The following CCDC40 variants were observed in gnomAD, a reference collection of about 807,000 sequenced individuals.
The protein encoded by CCDC40 is coiled-coil domain 40 molecular ruler complex subunit, also known as coiled-coil domain-containing protein 40.
Under a neutral mutation model 124.5 loss-of-function variants are expected in CCDC40, and 104 were observed. That is an observed-to-expected ratio of 0.84 (90% CI 0.71 to 0.98). CCDC40 has a LOEUF of 0.98. CCDC40 is among the 50% of genes least tolerant of loss of function. CCDC40 has a pLI of 0.00. For synonymous variants in CCDC40, 580 were observed against 602.9 expected (o/e 0.96, Z 0.56); for missense variants, 1,463 against 1,503.9 (o/e 0.97, Z 0.45).
Position 80,036,682 on chromosome 17 carries a change from C to A in CCDC40, c.20C>A (p.Ala7Glu), listed in dbSNP as rs750300695. The A allele has an allele frequency of 8.9e-6, 13 of 1,459,014 alleles. No homozygotes were observed. The highest frequency in any genetic ancestry group is 2.9e-5 in the East Asian group (1 of 34,998). The allele number at this position is 1,459,014 out of a possible 1,614,324, so 90.4% of individuals were successfully genotyped here. A position where few individuals can be genotyped will look rare whatever the true frequency, so the allele number is the denominator to read the frequency against. The change falls in exon 1 of 20, where the codon GCG (alanine) becomes GAG (glutamate). Residue 7 changes from alanine to glutamate, a missense_variant. By Grantham distance (107) the Ala-to-Glu change is moderately radical (BLOSUM62 -1). Coordinates refer to ENST00000397545, the MANE Select transcript of CCDC40 (RefSeq NM_017950.4). ...CGGGAAATGGCGGAACCGGGCGGCG[C>A]GGCGGGCCGGTAAGCCGGGCCGAGG... MAEPGG[A>E]AGRSHPEDGS...
intron 2 of CCDC40, among the ~76,000 whole-genome samples, chr17:80,039,233 G>T (rs1445834429): frequency 6.6e-6 from 1 of 151,918 alleles, no homozygotes; most frequent in Non-Finnish European, 1.5e-5. Context: ...TGGGCATGGT[G>T]GTACACACCT....
intron 4 of CCDC40, 99 bp from the exon 5 acceptor site, chr17:80,048,484 A>G (rs2037487929): frequency 2.1e-6 from 2 of 945,914 alleles, no homozygotes; most frequent in Admixed American, 2.0e-5. Flanking sequence ...ATCATGCTGC[A>G]TGAGGCATGA....
chr17:80,054,485 C>G (rs2037687301), intron 7 of CCDC40, among the ~76,000 whole-genome samples: 1 of 152,102 alleles, frequency 6.6e-6, no homozygotes, highest in Non-Finnish European at 1.5e-5. Context: ...ACAGGCTGGT[C>G]CTGCAATGCT....
At chr17:80,041,142 G>A (rs1387459386) in intron 3 of CCDC40, among the ~76,000 whole-genome samples, 1 of 152,168 alleles carries the variant, frequency 6.6e-6, no homozygotes, top group Admixed American at 6.5e-5. Flanking sequence ...AGAGTGGGTT[G>A]CGGATCTGGT....
intron 10 of CCDC40, chr17:80,068,004 G>A (rs889159022): frequency 2.8e-6 from 3 of 1,054,054 alleles, no homozygotes; most frequent in African/African-American, 1.7e-5. Context: ...CCAAGGCCCC[G>A]GGGAGGAGTG....
chr17:80,043,605 C>CTTT (rs61278841), intron 3 of CCDC40, among the ~76,000 whole-genome samples: 28 of 121,370 alleles, frequency 2.3e-4, no homozygotes, highest in South Asian at 1.6e-3. Flanking sequence ...TCTCCTCTTC[C>CTTT]TTTTTTTTTT....
intron 7 of CCDC40, 36 bp downstream of exon 7, chr17:80,050,319 C>A: frequency 6.6e-7 from 1 of 1,509,612 alleles, no homozygotes; most frequent in Non-Finnish European, 9.0e-7. Flanking sequence ...GCCATCCGGT[C>A]CTGGAGGGTT....
intron 9 of CCDC40, among the ~76,000 whole-genome samples, chr17:80,064,228 T>C (rs2037976704): frequency 6.6e-6 from 1 of 152,200 alleles, no homozygotes; most frequent in Non-Finnish European, 1.5e-5. Context: ...TGCCCGGCGC[T>C]GCCCTCGGCT....
chr17:80,037,677 ATT>A lies in CCDC40; in HGVS notation c.30-441_30-440del, dbSNP rs200145304. 1.8e-3 allele frequency among the ~76,000 whole-genome samples: 205 copies of A among 114,094 alleles called. 2 individuals are homozygous for A. Among genetic ancestry groups the A allele is most frequent in the African/African-American group, 4.1e-3 (111 of 26,880 alleles). The allele number at this position is 114,094 out of a possible 152,430, so 74.9% of individuals were successfully genotyped here. On this transcript the variant is annotated intron_variant, in intron 1 of 19. Coordinates refer to ENST00000397545, the MANE Select transcript of CCDC40 (RefSeq NM_017950.4). ...CAGATAAAAATAGCTTGAATCTTTA[ATT>A]TTTTAAAAAAGATATACATATATAT...
At chr17:80,046,425 C>G (rs566731043) in intron 3 of CCDC40, among the ~76,000 whole-genome samples, 1 of 151,950 alleles carries the variant, frequency 6.6e-6, no homozygotes. Flanking sequence ...CCCAGCTACT[C>G]TGGAGGCTAA....
intron 7 of CCDC40, among the ~76,000 whole-genome samples, chr17:80,050,907 A>G (rs28706288): frequency 0.32 from 48,521 of 152,014 alleles, 10,515 homozygotes; most frequent in African/African-American, 0.62. Flanking sequence ...GGAGGGTTTC[A>G]ATAGATGCGA....
chr17:80,044,924 C>T (rs2037383589), intron 3 of CCDC40, among the ~76,000 whole-genome samples: 1 of 152,114 alleles, frequency 6.6e-6, no homozygotes, highest in Non-Finnish European at 1.5e-5. Context: ...CCACCTCCCA[C>T]TGGCTCTCAG....
At chr17:80,094,246 T>TA (rs2038766891) in intron 17 of CCDC40, among the ~76,000 whole-genome samples, 1 of 97,810 alleles carries the variant, frequency 1.0e-5, no homozygotes, top group Admixed American at 1.0e-4. Context: ...CTGTCTCTAC[T>TA]GAAAAAAAAA....
At chr17:80,090,870 A>C in intron 17 of CCDC40, 1 of 993,414 alleles carries the variant, frequency 1.0e-6, no homozygotes, top group East Asian at 7.0e-5. Flanking sequence ...GCATATGCTA[A>C]TAAGATGTTG....
intron 3 of CCDC40, 114 bp downstream of exon 3, chr17:80,040,384 A>G: frequency 9.1e-7 from 1 of 1,093,486 alleles, no homozygotes. Flanking sequence ...CCCTGTTAGA[A>G]ATGTCTTAGC....
chr17:80,067,610 C>T (rs902840891), intron 10 of CCDC40: 14 of 1,536,064 alleles, frequency 9.1e-6, no homozygotes, highest in East Asian at 4.9e-5. Flanking sequence ...GCTTCCTGCC[C>T]GGGGCATCGA....
chr17:80,040,678 CAAAA>C (rs34476860), intron 3 of CCDC40: 78 of 129,974 alleles, frequency 6.0e-4, no homozygotes, highest in South Asian at 2.4e-3. Flanking sequence ...GACCTTGTCT[CAAAA>C]AAAAAAAAAA....
chr17:80,095,131 C>T, intron 17 of CCDC40, 132 bp from the exon 18 acceptor site: 3 of 822,316 alleles, frequency 3.6e-6, no homozygotes, highest in South Asian at 1.5e-5. Flanking sequence ...CCTGGCGGCA[C>T]AGGCCTCACT....
At chr17:80,051,235 A>T (rs1228597262) in intron 7 of CCDC40, 1 of 703,098 alleles carries the variant, frequency 1.4e-6, no homozygotes, top group African/African-American at 1.9e-5. Flanking sequence ...AAACAGAAGC[A>T]CATGGCTATC....
Sources: gnomAD v4.1 joint callset for allele counts (sites outside exome capture counted in the v4.1 genomes callset) on GRCh38, gnomAD v4.1.1 for gene constraint, MANE v1.5 for transcripts, NCBI Gene and HGNC (gene_info 2026-07-23, HGNC 2026-07-21) for gene names.